The following RAB2A variants were observed in gnomAD, a reference collection of about 807,000 sequenced individuals.
RAB2A encodes RAB2A, member RAS oncogene family.
In RAB2A, 7 loss-of-function variants were observed where a neutral mutation model predicts 32.5. The observed-to-expected ratio is 0.22, with a 90% confidence interval of 0.12 to 0.40. The LOEUF (loss-of-function observed/expected upper bound fraction) is 0.40, where lower values mean the gene tolerates loss of function less well. Among genes scored for constraint, RAB2A ranks in the 10% least tolerant of loss-of-function variants. The pLI is 1.00. For synonymous variants in RAB2A, 79 were observed against 85.2 expected (o/e 0.93, Z 0.40); for missense variants, 108 against 260.7 (o/e 0.41, Z 4.03).
chr8:60,555,229 G>A lies in RAB2A; in HGVS notation c.47-3623G>A, dbSNP rs370639487. Among the ~76,000 whole-genome samples, 3 of 152,244 alleles carry A rather than the reference G, an allele frequency of 2.0e-5. No homozygotes were observed. The East Asian group carries it at 5.8e-4, about 29-fold the overall frequency. Reference sequence around the variant, plus strand: ...AGCTCAAAGTGGATGAAAGACTTTGGTCTTTCAAAACTAGACCCAAAACTG... The same window carrying A: ...AGCTCAAAGTGGATGAAAGACTTTGATCTTTCAAAACTAGACCCAAAACTG... On this transcript the variant is annotated intron_variant, in intron 1 of 7. Transcript: ENST00000262646.
At chr8:60,620,160 T>C (rs751192038) in intron 7 of RAB2A, among the ~76,000 whole-genome samples, 28 of 152,242 alleles carry the variant, frequency 1.8e-4, no homozygotes, top group Non-Finnish European at 3.4e-4. Context: ...AAGTGTGAGT[T>C]TGATGAATGA....
chr8:60,529,508 G>A (rs893889436), intron 1 of RAB2A, among the ~76,000 whole-genome samples: 1 of 152,116 alleles, frequency 6.6e-6, no homozygotes, highest in Admixed American at 6.5e-5. Context: ...ATCTTACGGA[G>A]GAGTTACTCC....
intron 1 of RAB2A, among the ~76,000 whole-genome samples, chr8:60,550,843 G>A (rs1361912072): frequency 1.3e-5 from 2 of 152,184 alleles, no homozygotes; most frequent in Non-Finnish European, 2.9e-5. Flanking sequence ...TTTAGGTTCT[G>A]TGTGATTAGG....
intron 6 of RAB2A, among the ~76,000 whole-genome samples, chr8:60,597,445 G>T (rs1394868776): frequency 2.0e-5 from 3 of 152,132 alleles, no homozygotes; most frequent in African/African-American, 7.2e-5. Context: ...GCCTGTTGGG[G>T]GGTGGGGGCC....
intron 1 of RAB2A, among the ~76,000 whole-genome samples, chr8:60,549,075 A>G (rs1807799676): frequency 6.7e-6 from 1 of 148,464 alleles, no homozygotes; most frequent in Non-Finnish European, 1.5e-5. Context: ...CACTTCCCAG[A>G]TGTGATGGCG....
rs1448793843 is a variant in RAB2A at position 60,551,589 on chromosome 8, GTC to G, written c.47-7259_47-7258del. Among the ~76,000 whole-genome samples the G allele has an allele frequency of 2.6e-5, 4 of 152,186 alleles. No homozygotes were observed. The East Asian group carries it at 5.8e-4, about 22-fold the overall frequency. On this transcript the variant is annotated intron_variant, in intron 1 of 7. Coordinates refer to ENST00000262646, the MANE Select transcript of RAB2A (RefSeq NM_002865.3). Reference sequence around the variant, plus strand: ...GGCACTAAAAAGATAACTACAGATGGTCTCTGTCTTTTGATGGTTTGACTTAG... The same window carrying G: ...GGCACTAAAAAGATAACTACAGATGGTCTGTCTTTTGATGGTTTGACTTAG...
intron 6 of RAB2A, among the ~76,000 whole-genome samples, chr8:60,611,909 A>G (rs1804355180): frequency 6.6e-6 from 1 of 152,244 alleles, no homozygotes; most frequent in Non-Finnish European, 1.5e-5. Context: ...AAAACCAATT[A>G]TTAATCTGCA....
chr8:60,563,583 C>A (rs1808059533), intron 2 of RAB2A, among the ~76,000 whole-genome samples: 1 of 152,136 alleles, frequency 6.6e-6, no homozygotes, highest in South Asian at 2.1e-4. Flanking sequence ...CTTCTCCCCG[C>A]CGTGTGATCT....
At chr8:60,578,850 A>G (rs948429332) in intron 3 of RAB2A, among the ~76,000 whole-genome samples, 2 of 152,206 alleles carry the variant, frequency 1.3e-5, no homozygotes, top group Admixed American at 6.5e-5. Context: ...ATTATGGTGC[A>G]AAGGATCAAT....
chr8:60,555,446 T>C (rs1294462640), intron 1 of RAB2A, among the ~76,000 whole-genome samples: 2 of 152,142 alleles, frequency 1.3e-5, no homozygotes, highest in East Asian at 1.9e-4. Flanking sequence ...ACACAACTTT[T>C]AGAATGGGAT....
chr8:60,539,278 A>G (rs1375446904), intron 1 of RAB2A, among the ~76,000 whole-genome samples: 2 of 152,242 alleles, frequency 1.3e-5, no homozygotes, highest in African/African-American at 2.4e-5. Flanking sequence ...GTATGTACGT[A>G]TAGAGTAATT....
intron 6 of RAB2A, among the ~76,000 whole-genome samples, chr8:60,599,972 A>C (rs1804103126): frequency 6.6e-6 from 1 of 152,044 alleles, no homozygotes; most frequent in Non-Finnish European, 1.5e-5. Context: ...ACATCTTCAG[A>C]GTGGGAGAAA....
chr8:60,601,110 T>TA (rs1416357988), intron 6 of RAB2A, among the ~76,000 whole-genome samples: 1 of 152,242 alleles, frequency 6.6e-6, no homozygotes, highest in African/African-American at 2.4e-5. Context: ...AGAAGCCTCC[T>TA]AACCACAATA....
At chr8:60,557,062 T>G (rs1807950139) in intron 1 of RAB2A, among the ~76,000 whole-genome samples, 1 of 152,206 alleles carries the variant, frequency 6.6e-6, no homozygotes, top group Admixed American at 6.5e-5. Flanking sequence ...AAACTGTTCT[T>G]TTGTCTTCTG....
chr8:60,577,572 G>A (rs913528091), intron 3 of RAB2A, among the ~76,000 whole-genome samples: 1 of 151,928 alleles, frequency 6.6e-6, no homozygotes, highest in African/African-American at 2.4e-5. Context: ...GTACATGCAT[G>A]TAGATTTCAA....
At chr8:60,578,608 G>A (rs759480395) in intron 3 of RAB2A, among the ~76,000 whole-genome samples, 4 of 152,192 alleles carry the variant, frequency 2.6e-5, no homozygotes, top group Non-Finnish European at 4.4e-5. Flanking sequence ...ACAAGTAGAG[G>A]TCTGATTCTC....
chr8:60,531,658 A>G (rs1278107906), intron 1 of RAB2A, among the ~76,000 whole-genome samples: 1 of 152,132 alleles, frequency 6.6e-6, no homozygotes, highest in Non-Finnish European at 1.5e-5. Flanking sequence ...ATTGTCCTCC[A>G]TGACTCAATA....
intron 1 of RAB2A, among the ~76,000 whole-genome samples, chr8:60,528,742 A>G (rs756748406): frequency 6.6e-6 from 1 of 152,002 alleles, no homozygotes. Context: ...TCCACTTATG[A>G]TTTATCTTGT....
Position 60,623,058 on chromosome 8 carries a change from A to G in RAB2A, c.*2289A>G, listed in dbSNP as rs1295848786. On this transcript the variant is annotated 3_prime_UTR_variant, in exon 8 of 8. Transcript: ENST00000262646. Reference sequence around the variant, plus strand: ...CATCTATGGACATAGAAAATCAGTCACTGAAAAAAATAAACACAGCTTTCA... The same window carrying G: ...CATCTATGGACATAGAAAATCAGTCGCTGAAAAAAATAAACACAGCTTTCA... 1.3e-5 allele frequency: 2 copies of G among 152,202 alleles called. No homozygotes were observed. Among genetic ancestry groups the G allele is most frequent in the Non-Finnish European group, 2.9e-5 (2 of 68,030 alleles). 9.4% of individuals were successfully genotyped at this position (152,202 alleles called of 1,614,324 possible).
Sources: allele counts gnomAD v4.1 joint callset (sites outside exome capture counted in the v4.1 genomes callset), GRCh38; gene constraint gnomAD v4.1.1; transcripts MANE v1.5; gene names NCBI Gene and HGNC (gene_info 2026-07-23, HGNC 2026-07-21).